The following ERCC6L2 variants were observed in gnomAD, a reference collection of about 807,000 sequenced individuals.
The protein encoded by ERCC6L2 is DNA excision repair protein ERCC-6-like 2.
Under a neutral mutation model 132.0 loss-of-function variants are expected in ERCC6L2, and 77 were observed. That is an observed-to-expected ratio of 0.58 (90% CI 0.49 to 0.71). ERCC6L2 has a LOEUF of 0.71. Among genes scored for constraint, ERCC6L2 ranks in the 30% least tolerant of loss-of-function variants. ERCC6L2 has a pLI of 0.00. For synonymous variants in ERCC6L2, 583 were observed against 632.4 expected (o/e 0.92, Z 1.17); for missense variants, 1,542 against 1,837.6 (o/e 0.84, Z 2.94).
At chr9:95,882,817 C>T (rs891111240) in intron 2 of ERCC6L2, among the ~76,000 whole-genome samples, 22 of 152,174 alleles carry the variant, frequency 1.4e-4, no homozygotes, top group African/African-American at 5.1e-4. Context: ...GACATGCACA[C>T]TGGACGTGCT....
chr9:95,946,655 C>G (rs551296575), intron 12 of ERCC6L2, among the ~76,000 whole-genome samples: 107 of 152,296 alleles, frequency 7.0e-4, no homozygotes, highest in Non-Finnish European at 1.3e-3. Context: ...TATTGCACTT[C>G]ACTTTATTGT....
At chr9:95,892,532 C>G (rs1297025323) in intron 2 of ERCC6L2, among the ~76,000 whole-genome samples, 1 of 150,814 alleles carries the variant, frequency 6.6e-6, no homozygotes, top group East Asian at 2.0e-4. Flanking sequence ...AAGTGATTCT[C>G]ATGCCTCAGC....
chr9:95,966,169 A>G (rs961821558), intron 13 of ERCC6L2, among the ~76,000 whole-genome samples: 1 of 152,168 alleles, frequency 6.6e-6, no homozygotes, highest in African/African-American at 2.4e-5. Flanking sequence ...TTTAGATTGT[A>G]ATTTAACTTC....
At chr9:95,911,489 CTA>C (rs1305266930) in intron 4 of ERCC6L2, among the ~76,000 whole-genome samples, 1 of 151,810 alleles carries the variant, frequency 6.6e-6, no homozygotes, top group Non-Finnish European at 1.5e-5. Flanking sequence ...AATTATGTAA[CTA>C]TAAATCATAT....
In ERCC6L2 at chr9:95,941,470, C is replaced by T. The variant is rs1303514784; in HGVS notation, c.1768C>T (p.Leu590Phe). ...LVSTMAGGLG[L>F]NFVGANVVVL... ...TTCCTCCAGGGCTGGTGGACTAGGC[C>T]TCAATTTTGTCGGTGCCAATGTTGT... The change falls in exon 12 of 19, where the codon CTC (leucine) becomes TTC (phenylalanine). Residue 590 changes from leucine (L) to phenylalanine (F), a missense_variant. This residue lies in a region of ERCC6L2 where 945 missense variants were observed against 1,105.2 expected (regional missense o/e 0.86). Coordinates refer to ENST00000653738, the MANE Select transcript of ERCC6L2 (RefSeq NM_020207.7). 6.2e-7 allele frequency: 1 copy of T among 1,612,540 alleles called. No homozygotes were observed. The highest frequency in any genetic ancestry group is 2.2e-5 in the East Asian group (1 of 44,812).
rs1473852572 is a variant in ERCC6L2, at chr9:96,015,284, C to G, written c.*2081C>G. The stretch of plus-strand genomic sequence containing the variant: ...TCACTGCAGCCTCCGCCCCCCGAGT[C>G]AAGCAATTCTCCTGCCTCAGCCTCC... On this transcript the variant is annotated 3_prime_UTR_variant, in exon 19 of 19. Coordinates refer to ENST00000653738, the MANE Select transcript of ERCC6L2 (RefSeq NM_020207.7). Among the ~76,000 whole-genome samples, 1 of 150,482 alleles carries G rather than the reference C, an allele frequency of 6.6e-6. No homozygotes were observed. Among genetic ancestry groups the G allele is most frequent in the African/African-American group, 2.4e-5 (1 of 41,284 alleles).
chr9:95,985,804 C>T (rs1833073696), intron 17 of ERCC6L2, among the ~76,000 whole-genome samples: 1 of 152,066 alleles, frequency 6.6e-6, no homozygotes, highest in South Asian at 2.1e-4. Context: ...AATTATGTAC[C>T]AATAATCTTG....
At chr9:95,961,933 T>C (rs1054445004) in intron 13 of ERCC6L2, among the ~76,000 whole-genome samples, 2 of 152,068 alleles carry the variant, frequency 1.3e-5, no homozygotes, top group African/African-American at 2.4e-5. Flanking sequence ...GTGAGACTTA[T>C]TCACTACCAC....
At chr9:95,892,424 CTT>C (rs532088236) in intron 2 of ERCC6L2, among the ~76,000 whole-genome samples, 48 of 115,058 alleles carry the variant, frequency 4.2e-4, no homozygotes, top group Non-Finnish European at 3.2e-4. Context: ...GTGTATAAAT[CTT>C]TTTTTTTTTT....
At chr9:95,996,663 A>G (rs890380593) in intron 17 of ERCC6L2, among the ~76,000 whole-genome samples, 5 of 152,338 alleles carry the variant, frequency 3.3e-5, no homozygotes, top group African/African-American at 1.2e-4. Context: ...TGCCAAATCT[A>G]TTCCACTTGT....
rs780835809 is a variant in ERCC6L2 at position 96,012,305 on chromosome 9, CAGA to C, written c.3760_3762del (p.Glu1254del). On this transcript the variant is annotated inframe_deletion, in exon 19 of 19. Transcript: ENST00000653738. ...GCTAAACATATAACCAATGCCACAT[CAGA>C]AGAACGACAGAAAATGCTAAGAGAC... 9.6e-6 allele frequency: 13 copies of C among 1,353,830 alleles called. No individual in the cohort carries two copies. Among genetic ancestry groups the C allele is most frequent in the East Asian group, 4.6e-5 (1 of 21,714 alleles). 83.9% of individuals were successfully genotyped at this position (1,353,830 alleles called of 1,614,324 possible). A position where few individuals can be genotyped will look rare whatever the true frequency, so the allele number is the denominator to read the frequency against.
At chr9:95,922,977 A>G (rs1042078588) in intron 8 of ERCC6L2, among the ~76,000 whole-genome samples, 9 of 152,166 alleles carry the variant, frequency 5.9e-5, no homozygotes, top group Non-Finnish European at 1.2e-4. Context: ...TTGTTCTTTG[A>G]TAGTACTCTT....
At chr9:95,919,145 G>C (rs1829742356) in intron 6 of ERCC6L2, among the ~76,000 whole-genome samples, 1 of 152,078 alleles carries the variant, frequency 6.6e-6, no homozygotes, top group East Asian at 1.9e-4. Context: ...ACAGGCGTGA[G>C]CCACCACGCC....
At chr9:95,981,336 C>T (rs1832884835) in intron 17 of ERCC6L2, among the ~76,000 whole-genome samples, 2 of 152,046 alleles carry the variant, frequency 1.3e-5, no homozygotes, top group Admixed American at 6.5e-5. Flanking sequence ...TCAAATTCAA[C>T]CATGTATCTT....
chr9:95,929,673 A>G (rs910194687), intron 11 of ERCC6L2, among the ~76,000 whole-genome samples: 8 of 152,202 alleles, frequency 5.3e-5, no homozygotes, highest in African/African-American at 1.9e-4. Flanking sequence ...TCCTACCACT[A>G]AGGCAAATGG....
chr9:96,032,651 C>T (rs1409781921), intron 19 of ERCC6L2, among the ~76,000 whole-genome samples: 3 of 152,214 alleles, frequency 2.0e-5, no homozygotes, highest in Non-Finnish European at 4.4e-5. Flanking sequence ...ACCCCTCACA[C>T]CTGCGGCAAC....
At chr9:95,954,906 A>G (rs1369120606) in intron 12 of ERCC6L2, 1 of 470,840 alleles carries the variant, frequency 2.1e-6, no homozygotes, top group Non-Finnish European at 4.4e-6. Flanking sequence ...GTAAAAGTCC[A>G]TTGTGAGGAG....
chr9:95,911,745 G>C (rs978767745), intron 4 of ERCC6L2, among the ~76,000 whole-genome samples: 5 of 152,082 alleles, frequency 3.3e-5, no homozygotes, highest in Middle Eastern at 3.4e-3. Flanking sequence ...TCTTATTGCT[G>C]TTATATTTTT....
intron 17 of ERCC6L2, among the ~76,000 whole-genome samples, chr9:95,979,044 A>C (rs1304641490): frequency 6.6e-6 from 1 of 152,228 alleles, no homozygotes; most frequent in Non-Finnish European, 1.5e-5. Context: ...AGGACCAGAG[A>C]AAATGCAAAT....
Sources: gnomAD v4.1 joint callset for allele counts (sites outside exome capture counted in the v4.1 genomes callset) on GRCh38, gnomAD v4.1.1 for gene constraint, gnomAD v4.1.1 regional missense constraint, MANE v1.5 for transcripts, NCBI Gene and HGNC (gene_info 2026-07-23, HGNC 2026-07-21) for gene names.